The following CDH8 variants were observed in gnomAD, a reference collection of about 807,000 sequenced individuals.
CDH8 encodes cadherin-8.
CDH8 carries 17 observed loss-of-function variants against 68.1 expected under a neutral mutation model. The ratio of observed to expected loss-of-function variants is 0.25; its 90% confidence interval spans 0.17 to 0.37. The LOEUF is 0.37. Among genes scored for constraint, CDH8 ranks in the 10% least tolerant of loss-of-function variants. CDH8 has a pLI of 1.00. For synonymous variants in CDH8, 372 were observed against 365.1 expected (o/e 1.02, Z -0.21); for missense variants, 763 against 999.3 (o/e 0.76, Z 3.19).
At chr16:61,835,366 T>C (rs1161873042) in intron 4 of CDH8, among the ~76,000 whole-genome samples, 1 of 149,764 alleles carries the variant, frequency 6.7e-6, no homozygotes, top group Non-Finnish European at 1.5e-5. Context: ...GCCATCTCTA[T>C]ATCCATATCC....
At chr16:61,693,222 T>C (rs938131833) in intron 10 of CDH8, 4 of 152,180 alleles carry the variant, frequency 2.6e-5, no homozygotes, top group Non-Finnish European at 5.9e-5. Context: ...TCTTTCAATA[T>C]GATAAGGGAT....
At chr16:61,892,727 A>G (rs9972725) in intron 3 of CDH8, among the ~76,000 whole-genome samples, 4,087 of 152,230 alleles carry the variant, frequency 0.027, 176 homozygotes, top group African/African-American at 0.092. Context: ...ACCACATAAC[A>G]ACAGGAGGTA....
At chr16:62,022,331 A>G (rs573299417) in intron 1 of CDH8, among the ~76,000 whole-genome samples, 13 of 152,246 alleles carry the variant, frequency 8.5e-5, no homozygotes, top group African/African-American at 3.1e-4. Context: ...CTTGTATGCT[A>G]TAATCAGGAC....
chr16:61,853,722 C>T (rs937757746), intron 4 of CDH8, among the ~76,000 whole-genome samples: 3 of 152,046 alleles, frequency 2.0e-5, no homozygotes, highest in African/African-American at 7.2e-5. Flanking sequence ...CGAGTCTCTG[C>T]TCATCCATGA....
intron 2 of CDH8, among the ~76,000 whole-genome samples, chr16:61,992,458 G>A (rs1480208699): frequency 8.5e-6 from 1 of 116,978 alleles, no homozygotes; most frequent in African/African-American, 3.2e-5. Flanking sequence ...GGGGGAGGGG[G>A]GAGGGATAGC....
chr16:61,929,731 A>G (rs1431718189), intron 2 of CDH8, among the ~76,000 whole-genome samples: 1 of 152,058 alleles, frequency 6.6e-6, no homozygotes, highest in Non-Finnish European at 1.5e-5. Flanking sequence ...CACAAAAAAA[A>G]TTAAAAATTT....
At chr16:61,785,044 A>C (rs1961202391) in intron 8 of CDH8, among the ~76,000 whole-genome samples, 1 of 146,900 alleles carries the variant, frequency 6.8e-6, no homozygotes, top group Admixed American at 6.8e-5. Context: ...AAGCAAGAGC[A>C]AACACATTCA....
intron 1 of CDH8, among the ~76,000 whole-genome samples, chr16:62,034,104 C>A (rs1179669922): frequency 6.6e-6 from 1 of 151,852 alleles, no homozygotes; most frequent in Non-Finnish European, 1.5e-5. Flanking sequence ...AGAATGTAAC[C>A]CTAAGAGAAC....
In CDH8 at chr16:61,648,562, G is replaced by A. The variant is rs768475406; in HGVS notation, c.*5046C>T. 1.3e-5 allele frequency: 2 copies of A among 151,680 alleles called. No homozygotes were observed. The highest frequency in any genetic ancestry group is 4.1e-4 in the South Asian group (2 of 4,822). 9.4% of individuals were successfully genotyped at this position (151,680 alleles called of 1,614,324 possible). On this transcript the variant is annotated 3_prime_UTR_variant, in exon 12 of 12. Transcript: ENST00000577390. ...TAGTTGAAAGTTAAGGGGATTTAGT[G>A]TCAGATCAACCAAACTTAAACCCAG...
rs1288421032 is a variant in CDH8 at position 61,653,806 on chromosome 16, A to G, written c.2202T>C (p.Asn734=). The G allele has an allele frequency of 1.2e-6, 2 of 1,614,088 alleles. No individual in the cohort carries two copies. The highest frequency in any genetic ancestry group is 1.7e-6 in the Non-Finnish European group (2 of 1,180,046). ...AGTCATATGGCGGGGCCGTGGGATC[A>G]TTATCTGCCTCATGCAGCCTTACAT... ...FINVRLHEAD[N]DPTAPPYDSI... Residue 734 remains asparagine (N), a synonymous_variant, in exon 12 of 12, where the codon AAT becomes AAC. Coordinates refer to ENST00000577390, the MANE Select transcript of CDH8 (RefSeq NM_001796.5).
chr16:61,957,509 T>C (rs74021706), intron 2 of CDH8, among the ~76,000 whole-genome samples: 2,316 of 152,236 alleles, frequency 0.015, 69 homozygotes, highest in African/African-American at 0.053. Flanking sequence ...GCCATTCGGC[T>C]CAGGTACAAA....
intron 10 of CDH8, among the ~76,000 whole-genome samples, chr16:61,665,751 TTTTCCTTCCTTC>T (rs1963656523): frequency 9.9e-6 from 1 of 101,284 alleles, no homozygotes; most frequent in Admixed American, 1.0e-4. Context: ...TCTGAATTTA[TTTTCCTTCCTTC>T]CTTCCTTCCT....
chr16:61,857,060 A>G (rs1179699143), intron 4 of CDH8, 59 bp downstream of exon 4: 1 of 1,599,276 alleles, frequency 6.3e-7, no homozygotes, highest in Non-Finnish European at 8.6e-7. Flanking sequence ...AAATCCCAAG[A>G]AAAGCATTTC....
At chr16:61,776,985 T>C (rs993752190) in intron 8 of CDH8, among the ~76,000 whole-genome samples, 2 of 152,074 alleles carry the variant, frequency 1.3e-5, no homozygotes, top group Admixed American at 6.6e-5. Flanking sequence ...ATTTTATAGA[T>C]AGCAAAACTA....
chr16:61,673,973 C>T (rs565474805), intron 10 of CDH8, among the ~76,000 whole-genome samples: 1 of 152,118 alleles, frequency 6.6e-6, no homozygotes, highest in South Asian at 2.1e-4. Context: ...AGAGGCCTGG[C>T]CAGAACAACT....
chr16:61,772,224 A>G (rs1209933525), intron 8 of CDH8, among the ~76,000 whole-genome samples: 2 of 152,034 alleles, frequency 1.3e-5, no homozygotes, highest in Non-Finnish European at 2.9e-5. Flanking sequence ...CCTACCAGTA[A>G]TATCTCATTG....
chr16:61,870,835 T>C (rs1390136714), intron 3 of CDH8, among the ~76,000 whole-genome samples: 3 of 152,170 alleles, frequency 2.0e-5, no homozygotes, highest in African/African-American at 7.2e-5. Flanking sequence ...TTGCCTGTTT[T>C]ACTGTCAAAT....
At chr16:61,792,062 C>A (rs1184364188) in intron 7 of CDH8, among the ~76,000 whole-genome samples, 3 of 151,892 alleles carry the variant, frequency 2.0e-5, no homozygotes, top group South Asian at 4.2e-4. Flanking sequence ...TAATAAACTT[C>A]CCTATTTAGA....
At chr16:61,963,757 G>A (rs1457675441) in intron 2 of CDH8, among the ~76,000 whole-genome samples, 2 of 152,200 alleles carry the variant, frequency 1.3e-5, no homozygotes, top group Admixed American at 6.5e-5. Flanking sequence ...ATTCCTCAAT[G>A]TTAATTGATT....
Sources: allele counts gnomAD v4.1 joint callset (sites outside exome capture counted in the v4.1 genomes callset), GRCh38; gene constraint gnomAD v4.1.1; transcripts MANE v1.5; gene names NCBI Gene and HGNC (gene_info 2026-07-23, HGNC 2026-07-21).